The following TRA2B variants were observed in gnomAD, a reference collection of about 807,000 sequenced individuals.
TRA2B encodes transformer 2 beta homolog.
In TRA2B, 14 loss-of-function variants were observed where a neutral mutation model predicts 41.7. That is an observed-to-expected ratio of 0.34 (90% CI 0.22 to 0.53). The LOEUF is 0.53. Among genes scored for constraint, TRA2B ranks in the 20% least tolerant of loss-of-function variants. The probability of loss-of-function intolerance (pLI) is 0.95; values close to 1 mark genes in which losing one functional copy is unlikely to be tolerated. For synonymous variants in TRA2B, 130 were observed against 128.8 expected, an observed-to-expected ratio of 1.01 and a Z score of -0.06; for missense variants, 167 against 396.8, an observed-to-expected ratio of 0.42 and a Z score of 4.92.
intron 1 of TRA2B, 96 bp downstream of exon 1, chr3:185,937,728 TA>T: frequency 6.4e-7 from 1 of 1,562,168 alleles, no homozygotes; most frequent in Non-Finnish European, 8.8e-7. Context: ...CTTCGGAGCC[TA>T]AAACGCCCCT....
intron 1 of TRA2B, 137 bp downstream of exon 1, chr3:185,937,688 G>T: frequency 8.0e-7 from 1 of 1,252,398 alleles, no homozygotes; most frequent in Non-Finnish European, 1.1e-6. Flanking sequence ...GTTAAATGCT[G>T]TCTCCCTTGC....
At chr3:185,928,601 T>TA (rs1300853332) in intron 1 of TRA2B, 4 of 152,160 alleles carry the variant, frequency 2.6e-5, no homozygotes, top group Non-Finnish European at 5.9e-5. Context: ...TTGCTATTTT[T>TA]ACCACAGGCA....
chr3:185,936,777 G>C, intron 1 of TRA2B: 3 of 984,748 alleles, frequency 3.0e-6, no homozygotes, highest in South Asian at 4.7e-5. Flanking sequence ...CTTAATTCTA[G>C]CAAGCCTCGT....
At chr3:185,931,632 TC>T in intron 1 of TRA2B, 1 of 1,295,010 alleles carries the variant, frequency 7.7e-7, no homozygotes, top group Non-Finnish European at 9.8e-7. Context: ...CATTTTTATT[TC>T]TTTTCTTCAT....
intron 1 of TRA2B, chr3:185,931,858 T>C (rs1162092570): frequency 1.3e-5 from 19 of 1,447,190 alleles, no homozygotes; most frequent in East Asian, 5.5e-5. Context: ...TTAACCTTAA[T>C]AGAAAAAGAA....
At chr3:185,917,847 C>T in intron 8 of TRA2B, 122 bp from the exon 9 acceptor site, 1 of 905,450 alleles carries the variant, frequency 1.1e-6, no homozygotes, top group Non-Finnish European at 1.7e-6. Context: ...AACCCCACCA[C>T]CCCCAAATAG....
At chr3:185,928,634 T>C (rs908002462) in intron 1 of TRA2B, 2 of 152,116 alleles carry the variant, frequency 1.3e-5, no homozygotes, top group East Asian at 1.9e-4. Context: ...GGTGAGAATA[T>C]AGAAATGGGG....
intron 8 of TRA2B, 122 bp downstream of exon 8, chr3:185,918,241 ATG>A (rs1743577872): frequency 3.0e-6 from 2 of 655,772 alleles, no homozygotes; most frequent in African/African-American, 1.8e-5. Flanking sequence ...AATGTTCAGG[ATG>A]TGTGGAGAAT....
chr3:185,919,589 G>A (rs1743636694), intron 6 of TRA2B, 93 bp from the exon 7 acceptor site: 1 of 1,014,880 alleles, frequency 9.9e-7, no homozygotes, highest in East Asian at 2.7e-5. Context: ...CTTTCATAGA[G>A]CATGAATGAG....
At chr3:185,928,823 AG>A (rs1157591320) in intron 1 of TRA2B, 3 of 152,244 alleles carry the variant, frequency 2.0e-5, no homozygotes, top group Admixed American at 6.5e-5. Flanking sequence ...CTGAGTATAA[AG>A]GAAGAATGGG....
chr3:185,936,968 A>G (rs1172656142), intron 1 of TRA2B: 3 of 985,310 alleles, frequency 3.0e-6, no homozygotes, highest in Non-Finnish European at 3.6e-6. Flanking sequence ...TGTGGTTCTA[A>G]GTATTAGAAC....
chr3:185,921,082 A>C, intron 6 of TRA2B, 22 bp downstream of exon 6: 3 of 1,605,690 alleles, frequency 1.9e-6, no homozygotes, highest in Non-Finnish European at 2.6e-6. Flanking sequence ...TCAGACGTTG[A>C]CCTTTCTACC....
At chr3:185,930,741 A>G (rs1744119212) in intron 1 of TRA2B, among the ~76,000 whole-genome samples, 1 of 152,224 alleles carries the variant, frequency 6.6e-6, no homozygotes, top group African/African-American at 2.4e-5. Flanking sequence ...CAATAAGTGC[A>G]AGGGATACCA....
chr3:185,925,558 C>G lies in TRA2B; in HGVS notation c.239G>C (p.Arg80Pro), dbSNP rs1198823108. 1 of 1,614,160 alleles carries G rather than the reference C, an allele frequency of 6.2e-7. No homozygotes were observed. The highest frequency in any genetic ancestry group is 2.2e-5 in the East Asian group (1 of 44,884). ...TCGACTGTAAGACCTGCTACGTGATCGTCTATGGGAGCGGGAGCGAGACCG... is the reference window on the plus strand; with the variant it reads ...TCGACTGTAAGACCTGCTACGTGATGGTCTATGGGAGCGGGAGCGAGACCG... ...RSRSRSRSHR[R>P]SRSRSYSRDY... Residue 80 changes from arginine to proline, a missense_variant, in exon 3 of 9, where the codon CGA becomes CCA. Physicochemically the swap from Arg to Pro is moderately radical, Grantham distance 103. Coordinates refer to ENST00000453386, the MANE Select transcript of TRA2B (RefSeq NM_004593.3).
rs367643246 is a variant in TRA2B at position 185,923,796 on chromosome 3, T to C, written c.522A>G (p.Glu174=). The C allele has an allele frequency of 8.1e-6, 13 of 1,606,138 alleles. No homozygotes were observed. Among genetic ancestry groups the C allele is most frequent in the African/African-American group, 2.7e-5 (2 of 74,480 alleles). The change falls in exon 4 of 9, where the codon GAA becomes GAG. Residue 174 remains glutamate, a splice_region_variant and synonymous_variant. Coordinates refer to ENST00000453386, the MANE Select transcript of TRA2B (RefSeq NM_004593.3). ...TACAAAGGAACGGGCTTTTACTTACTTCCTTGGCATCATCTACATTTTCAA... is the reference window on the plus strand; with the variant it reads ...TACAAAGGAACGGGCTTTTACTTACCTCCTTGGCATCATCTACATTTTCAA... ...VYFENVDDAK[E]AKERANGMEL...
intron 1 of TRA2B, chr3:185,936,442 A>C: frequency 1.0e-6 from 1 of 985,426 alleles, no homozygotes; most frequent in Non-Finnish European, 1.2e-6. Flanking sequence ...TGCTCATCCG[A>C]GTATGTAAAC....
chr3:185,930,271 A>G (rs1483486058), intron 1 of TRA2B, among the ~76,000 whole-genome samples: 2 of 152,168 alleles, frequency 1.3e-5, no homozygotes, highest in East Asian at 3.8e-4. Context: ...TGTAATATTC[A>G]TTCACACATT....
intron 1 of TRA2B, chr3:185,934,840 T>C (rs1744287101): frequency 4.4e-5 from 43 of 985,344 alleles, no homozygotes; most frequent in Non-Finnish European, 5.2e-5. Flanking sequence ...AAAGATTACG[T>C]GCCTATGTTG....
intron 1 of TRA2B, chr3:185,935,893 T>G (rs757848992): frequency 1.0e-6 from 1 of 984,650 alleles, no homozygotes; most frequent in African/African-American, 1.8e-5. Flanking sequence ...AAGACTCTTA[T>G]GTAAGAAAAA....
Sources: allele counts gnomAD v4.1 joint callset (sites outside exome capture counted in the v4.1 genomes callset), GRCh38; gene constraint gnomAD v4.1.1; transcripts MANE v1.5; gene names NCBI Gene and HGNC (gene_info 2026-07-23, HGNC 2026-07-21).